SIK3: variants seen among roughly 807,000 people sequenced by gnomAD.
The protein encoded by SIK3 is serine/threonine-protein kinase SIK3.
In SIK3, 28 loss-of-function variants were observed where a neutral mutation model predicts 144.2. The observed-to-expected ratio is 0.19, with a 90% CI of 0.14 to 0.27. The LOEUF (loss-of-function observed/expected upper bound fraction) is 0.27, where lower values mean the gene tolerates loss of function less well. SIK3 is among the 10% of genes least tolerant of loss of function. The pLI is 1.00. For missense variants in SIK3, 1,319 were observed against 1,776.0 expected (o/e 0.74, Z 4.62); for synonymous variants, 686 against 676.3 (o/e 1.01, Z -0.22).
chr11:116,959,985 C>T (rs550689885), intron 1 of SIK3, among the ~76,000 whole-genome samples: 2 of 152,048 alleles, frequency 1.3e-5, no homozygotes, highest in East Asian at 1.9e-4. Flanking sequence ...TCCTAATTAC[C>T]CTGATTTGAT....
At chr11:117,031,739 C>A (rs941098475) in intron 1 of SIK3, among the ~76,000 whole-genome samples, 4 of 108,516 alleles carry the variant, frequency 3.7e-5, no homozygotes, top group Non-Finnish European at 6.9e-5. Flanking sequence ...GACGGGGTTT[C>A]ACCATGTTGG....
chr11:116,875,609 G>T (rs758964259), intron 9 of SIK3, 158 bp from the exon 10 acceptor site: 1 of 836,450 alleles, frequency 1.2e-6, no homozygotes, highest in Non-Finnish European at 1.8e-6. Context: ...AGCATCCTGT[G>T]AAGAGGATAG....
chr11:116,851,768 T>C (rs1942467630), intron 21 of SIK3, among the ~76,000 whole-genome samples: 1 of 152,194 alleles, frequency 6.6e-6, no homozygotes, highest in Non-Finnish European at 1.5e-5. Context: ...CTCTGCCCAA[T>C]TCCTCTCAGT....
At chr11:116,878,390 T>TA (rs1944373166) in intron 6 of SIK3, among the ~76,000 whole-genome samples, 1 of 151,800 alleles carries the variant, frequency 6.6e-6, no homozygotes, top group African/African-American at 2.4e-5. Flanking sequence ...CCTTTTTTTT[T>TA]TTTTTTTACA....
intron 1 of SIK3, among the ~76,000 whole-genome samples, chr11:117,047,412 TAAG>T (rs1353991082): frequency 6.6e-6 from 1 of 152,154 alleles, no homozygotes; most frequent in Non-Finnish European, 1.5e-5. Context: ...CTGTTAATCA[TAAG>T]AAGGCACAGG....
intron 1 of SIK3, among the ~76,000 whole-genome samples, chr11:116,991,566 T>C (rs901382819): frequency 2.6e-5 from 4 of 152,218 alleles, no homozygotes; most frequent in African/African-American, 4.8e-5. Context: ...ATTTAACATA[T>C]AGTTTCAGTC....
intron 1 of SIK3, among the ~76,000 whole-genome samples, chr11:117,007,427 A>T (rs1951091509): frequency 6.6e-6 from 1 of 152,224 alleles, no homozygotes; most frequent in Non-Finnish European, 1.5e-5. Flanking sequence ...TTGGTGAACT[A>T]AATAAAACCA....
chr11:116,983,587 G>A (rs1182169737), intron 1 of SIK3, among the ~76,000 whole-genome samples: 2 of 152,074 alleles, frequency 1.3e-5, no homozygotes, highest in Non-Finnish European at 2.9e-5. Flanking sequence ...AGGCAGCTAT[G>A]TAAAATATAT....
chr11:116,877,110 G>A, intron 6 of SIK3, 68 bp from the exon 7 acceptor site: 5 of 1,385,434 alleles, frequency 3.6e-6, no homozygotes, highest in Non-Finnish European at 5.1e-6. Context: ...AGAGGAACCA[G>A]GGGCAAAGCC....
chr11:116,870,119 G>A, intron 14 of SIK3: 1 of 1,521,884 alleles, frequency 6.6e-7, no homozygotes, highest in Non-Finnish European at 8.8e-7. Flanking sequence ...CTGTCACTTA[G>A]GGGACTTCCA....
At chr11:116,865,041 G>A (rs985684121) in intron 15 of SIK3, 1 of 152,032 alleles carries the variant, frequency 6.6e-6, no homozygotes, top group Non-Finnish European at 1.5e-5. Flanking sequence ...CATGTATTTG[G>A]TTCAGCAACA....
chr11:117,020,200 T>A (rs75434928), intron 1 of SIK3, among the ~76,000 whole-genome samples: 3,784 of 145,322 alleles, frequency 0.026, 157 homozygotes, highest in African/African-American at 0.092. Context: ...GAGAAGAGCA[T>A]CATGGGTCGC....
In SIK3 at chr11:116,870,675, GTGAATTTAC is replaced by G. The variant is rs564936713; in HGVS notation, c.1738-283_1738-275del. On this transcript the variant is annotated intron_variant, in intron 13 of 24. Transcript: ENST00000445177. The stretch of plus-strand genomic sequence containing the variant: ...AATGCTTACTGTTACAGGATAAAAT[GTGAATTTAC>G]AGACATAGACCTTGCCCTCATTTTA... 1.6e-4 allele frequency among the ~76,000 whole-genome samples: 25 copies of G among 152,296 alleles called. No individual in the cohort carries two copies. The East Asian group carries it at 3.3e-3, about 20-fold the overall frequency.
chr11:117,022,779 C>T (rs1240144557), intron 1 of SIK3, among the ~76,000 whole-genome samples: 1 of 150,606 alleles, frequency 6.6e-6, no homozygotes, highest in Non-Finnish European at 1.5e-5. Context: ...CTCTCATAGT[C>T]ATCAATGAGA....
At chr11:117,028,349 T>C (rs777467698) in intron 1 of SIK3, among the ~76,000 whole-genome samples, 12 of 152,188 alleles carry the variant, frequency 7.9e-5, no homozygotes, top group Non-Finnish European at 1.5e-4. Context: ...CAGATGCTAA[T>C]CTCAAGCCCT....
chr11:116,868,147 C>A, intron 14 of SIK3, 58 bp from the exon 15 acceptor site: 1 of 1,546,664 alleles, frequency 6.5e-7, no homozygotes, highest in Non-Finnish European at 8.7e-7. Context: ...TATTCCTCCA[C>A]AAGAAGCATT....
At position 116,858,643 on chromosome 11, in the gene SIK3, TG is replaced by T. The variant is rs1476671096; in HGVS notation, c.2821del (p.His941IlefsTer28). The T allele has an allele frequency of 6.3e-7, 1 of 1,590,120 alleles. No homozygotes were observed. Among genetic ancestry groups the T allele is most frequent in the Non-Finnish European group, 8.6e-7 (1 of 1,168,126 alleles). ...ACCCCGGGACTGGTCCGAAAACAGA[TG>T]GGGGTGTAAATGCGCCTGGTCGTAG... ...ANYDQAHLHP[H>X]LFSDQSRGSP... On this transcript the variant is annotated frameshift_variant, in exon 21 of 25. Transcript: ENST00000445177. LOFTEE classifies it high-confidence loss of function. This position sits in a 1 kb window ranked among gnomAD's most constrained non-coding sequence, Gnocchi z 5.4.
chr11:117,006,397 A>C lies in SIK3; in HGVS notation c.274-49333T>G, dbSNP rs144439741. ...ATCAGGCTTGGGCCAGGATTTATTC[A>C]AAGTCTCTCCAAAATACTCCACTTG... is the stretch of plus-strand genomic sequence containing the variant. On this transcript the variant is annotated intron_variant, in intron 1 of 24. Transcript: ENST00000445177. Among the ~76,000 whole-genome samples, 4 of 152,320 alleles carry C rather than the reference A, an allele frequency of 2.6e-5. No individual in the cohort carries two copies. In the East Asian group the frequency reaches 7.7e-4, roughly 29 times the overall value.
At chr11:117,050,458 G>T (rs1426510684) in intron 1 of SIK3, among the ~76,000 whole-genome samples, 1 of 151,882 alleles carries the variant, frequency 6.6e-6, no homozygotes, top group Non-Finnish European at 1.5e-5. Flanking sequence ...GGCAGAGGCG[G>T]GCAGATCACT....
Sources: allele counts gnomAD v4.1 joint callset (sites outside exome capture counted in the v4.1 genomes callset), GRCh38; gene constraint gnomAD v4.1.1; non-coding constraint Gnocchi (gnomAD v3.1); transcripts MANE v1.5; gene names NCBI Gene and HGNC (gene_info 2026-07-23, HGNC 2026-07-21).